The following SYTL5 variants were observed in gnomAD, a reference collection of about 807,000 sequenced individuals.
The protein encoded by SYTL5 is synaptotagmin-like protein 5.
Under a neutral mutation model 55.9 loss-of-function variants are expected in SYTL5, and 34 were observed. The ratio of observed to expected loss-of-function variants is 0.61; its 90% CI spans 0.46 to 0.81. The LOEUF is 0.81. Among genes scored for constraint, SYTL5 ranks in the 30% least tolerant of loss-of-function variants. SYTL5 has a pLI of 0.00. For missense variants in SYTL5, 637 were observed against 546.7 expected (o/e 1.17, Z -1.65); for synonymous variants, 221 against 188.7 (o/e 1.17, Z -1.40).
At chrX:38,046,219 T>C (rs1935456588) in intron 2 of SYTL5, among the ~76,000 whole-genome samples, 2 of 111,629 alleles carry the variant, frequency 1.8e-5, no homozygotes, top group African/African-American at 6.5e-5. Flanking sequence ...TAATGTATTT[T>C]TCATGGGTTG....
intron 3 of SYTL5, among the ~76,000 whole-genome samples, chrX:38,069,796 A>T (rs1369856958): frequency 1.8e-5 from 2 of 112,099 alleles, no homozygotes; most frequent in Non-Finnish European, 3.8e-5. Context: ...GCCAAGAAAC[A>T]GGAGACATCT....
chrX:37,913,002 A>C, the SYTL5 span, among the ~76,000 whole-genome samples: 1 of 111,719 alleles, frequency 9.0e-6, no homozygotes, highest in African/African-American at 3.3e-5. Flanking sequence ...GTTGTGTGGT[A>C]CTTCTAGGAA....
the SYTL5 span, among the ~76,000 whole-genome samples, chrX:37,912,863 C>T: frequency 8.9e-6 from 1 of 111,994 alleles, no homozygotes; most frequent in African/African-American, 3.3e-5. Context: ...TTCCCACCTT[C>T]TCCCTTAGTG....
At chrX:38,041,357 T>C (rs976853038) in intron 2 of SYTL5, among the ~76,000 whole-genome samples, 5 of 112,444 alleles carry the variant, frequency 4.4e-5, no homozygotes, top group Admixed American at 3.8e-4. Context: ...CTTATCACTC[T>C]ACCACTAAGA....
At chrX:37,925,032 C>A in the SYTL5 span, among the ~76,000 whole-genome samples, 1 of 110,493 alleles carries the variant, frequency 9.1e-6, no homozygotes. Context: ...CTCCCCCTAC[C>A]CTTCCCAGCC....
chrX:38,111,840 C>T (rs762653372), intron 13 of SYTL5, among the ~76,000 whole-genome samples: 1 of 112,121 alleles, frequency 8.9e-6, no homozygotes, highest in African/African-American at 3.2e-5. Flanking sequence ...TGGCTTAAGA[C>T]AATCAGAATA....
chrX:38,101,552 G>A (rs185081724), intron 9 of SYTL5, among the ~76,000 whole-genome samples: 2 of 110,579 alleles, frequency 1.8e-5, no homozygotes, highest in African/African-American at 6.5e-5. Context: ...TTCACCTGGT[G>A]TGAAAGGAGG....
At chrX:38,048,856 T>C (rs1406088932) in intron 2 of SYTL5, among the ~76,000 whole-genome samples, 1 of 112,085 alleles carries the variant, frequency 8.9e-6, no homozygotes, top group Non-Finnish European at 1.9e-5. Flanking sequence ...CCTGTTATTA[T>C]GTGGCTAAGT....
chrX:37,943,057 A>AT, the SYTL5 span, among the ~76,000 whole-genome samples: 2 of 111,786 alleles, frequency 1.8e-5, no homozygotes. Flanking sequence ...TCATCAAAGT[A>AT]TTTTTCTAAA....
chrX:38,124,842 A>T (rs1257746486), intron 15 of SYTL5, among the ~76,000 whole-genome samples: 1 of 111,486 alleles, frequency 9.0e-6, no homozygotes, highest in Admixed American at 9.5e-5. Context: ...AGGGGTATTA[A>T]ATTCCAAGTA....
chrX:38,120,559 A>G (rs948103014), intron 14 of SYTL5, 93 bp downstream of exon 14: 6 of 669,089 alleles, frequency 9.0e-6, no homozygotes, highest in Middle Eastern at 3.2e-4. Flanking sequence ...TATTTCTTTC[A>G]TATTACACAA....
chrX:38,123,114 C>T lies in SYTL5; in HGVS notation c.1841+899C>T, dbSNP rs749391409. Among the ~76,000 whole-genome samples the T allele has an allele frequency of 3.6e-5, 4 of 111,437 alleles. No individual in the cohort carries two copies. The East Asian group carries it at 8.5e-4, about 24-fold the overall frequency. On this transcript the variant is annotated intron_variant, in intron 15 of 16. Coordinates refer to ENST00000297875, the MANE Select transcript of SYTL5 (RefSeq NM_138780.3). ...TACAAGGAAATGGGTTGAGCTCACT[C>T]TCACATGTTATTTGTTGTTGTTGTT...
chrX:38,039,372 T>C (rs1228168717), intron 2 of SYTL5, among the ~76,000 whole-genome samples: 1 of 112,378 alleles, frequency 8.9e-6, no homozygotes. Context: ...TGCAAATGGA[T>C]AAAAATACTG....
intron 9 of SYTL5, among the ~76,000 whole-genome samples, chrX:38,096,660 T>A (rs1015798279): frequency 9.0e-6 from 1 of 111,391 alleles, no homozygotes; most frequent in South Asian, 3.7e-4. Flanking sequence ...AATGTTTCAG[T>A]GAACTCATTT....
intron 9 of SYTL5, among the ~76,000 whole-genome samples, chrX:38,096,640 T>C (rs982100239): frequency 7.2e-5 from 8 of 111,489 alleles, no homozygotes; most frequent in Middle Eastern, 4.9e-3. Context: ...GACAAAATTA[T>C]GTGAAAATTA....
At position 38,087,939 on chromosome X, in the gene SYTL5, G is replaced by C. The variant is rs1282390153; in HGVS notation, c.690-1507G>C. Among the ~76,000 whole-genome samples the C allele has an allele frequency of 9.0e-5, 10 of 111,136 alleles. No homozygotes were observed. In the East Asian group the frequency reaches 2.5e-3, roughly 28 times the overall value. On this transcript the variant is annotated intron_variant, in intron 6 of 16. Coordinates refer to ENST00000297875, the MANE Select transcript of SYTL5 (RefSeq NM_138780.3). ...GTTTGTGTACATGCATACATGTATG[G>C]AATAATTAACCTCTCCAATACTCAA...
chrX:38,089,284 GA>G (rs1325383264), intron 6 of SYTL5, among the ~76,000 whole-genome samples, 161 bp from the exon 7 acceptor site: 1 of 112,209 alleles, frequency 8.9e-6, no homozygotes, highest in Non-Finnish European at 1.9e-5. Context: ...GGCCTTTGAG[GA>G]GGAAGGTAAC....
At chrX:38,115,289 C>T (rs1167208901) in intron 13 of SYTL5, among the ~76,000 whole-genome samples, 1 of 101,739 alleles carries the variant, frequency 9.8e-6, no homozygotes, top group Admixed American at 1.0e-4. Flanking sequence ...TCGAGACCAT[C>T]CTGGGTAACA....
the SYTL5 span, among the ~76,000 whole-genome samples, chrX:37,996,499 G>A: frequency 8.9e-6 from 1 of 112,624 alleles, no homozygotes; most frequent in South Asian, 3.7e-4. Flanking sequence ...AAGGACAGAG[G>A]CCGGGGTGAC....
Sources: gnomAD v4.1 joint callset for allele counts (sites outside exome capture counted in the v4.1 genomes callset) on GRCh38, gnomAD v4.1.1 for gene constraint, MANE v1.5 for transcripts, NCBI Gene and HGNC (gene_info 2026-07-23, HGNC 2026-07-21) for gene names.